The following RNF24 variants were observed in gnomAD, a reference collection of about 807,000 sequenced individuals.
The protein encoded by RNF24 is ring finger protein 24.
Under a neutral mutation model 20.0 loss-of-function variants are expected in RNF24, and 14 were observed. The ratio of observed to expected loss-of-function variants is 0.70; its 90% CI spans 0.46 to 1.10. The LOEUF (loss-of-function observed/expected upper bound fraction) is 1.10, where lower values mean the gene tolerates loss of function less well. Among genes scored for constraint, RNF24 ranks in the 50% least tolerant of loss-of-function variants. The pLI is 0.00. For missense variants in RNF24, 124 were observed against 177.6 expected (o/e 0.70, Z 1.71); for synonymous variants, 45 against 61.1 (o/e 0.74, Z 1.23).
At chr20:3,981,171 AT>A (rs969311265) in intron 1 of RNF24, among the ~76,000 whole-genome samples, 2 of 152,212 alleles carry the variant, frequency 1.3e-5, no homozygotes, top group African/African-American at 2.4e-5. Flanking sequence ...ATCAAAAAAA[AT>A]AAAAGAAAAG....
chr20:3,954,962 T>C (rs938165422), intron 2 of RNF24, among the ~76,000 whole-genome samples: 1 of 152,122 alleles, frequency 6.6e-6, no homozygotes, highest in Non-Finnish European at 1.5e-5. Context: ...AGCTGCATCA[T>C]TTTGCATTTC....
At position 4,015,500 on chromosome 20, in the gene RNF24, C is replaced by A; in HGVS notation, c.-71G>T. On this transcript the variant is annotated 5_prime_UTR_variant, in exon 1 of 6. Transcript: ENST00000358395. The stretch of plus-strand genomic sequence containing the variant: ...TCAGCGCCCTGCGGCGGGCGGCAGG[C>A]TGCGGGCGGCGAGCGTCCGTCCGGA... 6.6e-6 allele frequency: 1 copy of A among 151,058 alleles called. No homozygotes were observed. Among genetic ancestry groups the A allele is most frequent in the South Asian group, 2.0e-4 (1 of 5,066 alleles). The allele number at this position is 151,058 out of a possible 1,614,324, so 9.4% of individuals were successfully genotyped here. A position where few individuals can be genotyped will look rare whatever the true frequency, so the allele number is the denominator to read the frequency against.
intron 3 of RNF24, among the ~76,000 whole-genome samples, chr20:3,946,112 C>G (rs6116111): frequency 0.012 from 1,772 of 152,252 alleles, 25 homozygotes; most frequent in African/African-American, 0.04. Flanking sequence ...ACTTAAATGA[C>G]TGCAAAGGCC....
At chr20:3,977,653 C>T (rs1978984710) in intron 1 of RNF24, among the ~76,000 whole-genome samples, 1 of 151,968 alleles carries the variant, frequency 6.6e-6, no homozygotes, top group Non-Finnish European at 1.5e-5. Flanking sequence ...ATCACGAGGT[C>T]AGGAGATCGA....
In RNF24 at chr20:3,955,192, T is replaced by A. The variant is rs539897174; in HGVS notation, c.144-6913A>T. ...ATTGTTTAAGTCTTTTGCCCATTTT[T>A]AAATTGGGTTGTCTTTTTGCTGTTA... On this transcript the variant is annotated intron_variant, in intron 2 of 5. Coordinates refer to ENST00000358395, the MANE Select transcript of RNF24 (RefSeq NM_001134337.3). 9.8e-5 allele frequency among the ~76,000 whole-genome samples: 15 copies of A among 152,356 alleles called. No homozygotes were observed. The South Asian group carries it at 3.1e-3, about 32-fold the overall frequency.
intron 2 of RNF24, among the ~76,000 whole-genome samples, chr20:3,951,959 A>G (rs1397551998): frequency 6.6e-6 from 1 of 152,188 alleles, no homozygotes; most frequent in Admixed American, 6.6e-5. Flanking sequence ...AGGAACCCTA[A>G]TTCCTTTTAT....
chr20:3,972,377 C>T (rs147916601), intron 1 of RNF24, among the ~76,000 whole-genome samples: 1 of 152,256 alleles, frequency 6.6e-6, no homozygotes, highest in African/African-American at 2.4e-5. Flanking sequence ...GCACCTACAC[C>T]AGGACAGACC....
chr20:3,956,020 T>A (rs1007378357), intron 2 of RNF24, among the ~76,000 whole-genome samples: 4 of 152,216 alleles, frequency 2.6e-5, no homozygotes, highest in Non-Finnish European at 5.9e-5. Context: ...CCAGTAGTTT[T>A]TTTTGTGTGT....
chr20:3,962,863 G>A (rs1301993769), intron 2 of RNF24, among the ~76,000 whole-genome samples: 3 of 151,642 alleles, frequency 2.0e-5, no homozygotes, highest in Admixed American at 6.6e-5. Context: ...ACCACACCTC[G>A]CTAATTTTTG....
intron 1 of RNF24, among the ~76,000 whole-genome samples, chr20:3,996,139 G>T (rs949346160): frequency 6.6e-6 from 1 of 152,140 alleles, no homozygotes; most frequent in African/African-American, 2.4e-5. Context: ...GTCACAGTAC[G>T]TCAAGAGTTG....
rs142865914 is a variant in RNF24 at position 3,961,336 on chromosome 20, G to A, written c.143+2539C>T. Among the ~76,000 whole-genome samples, 509 of 151,890 alleles carry A rather than the reference G, an allele frequency of 3.4e-3. 3 individuals carry two copies. The highest frequency in any genetic ancestry group is 0.012 in the African/African-American group (491 of 41,424). Reference sequence around the variant, plus strand: ...AGGATCACTTGTGCTAGGAGGTTGAGGCTTTGGTGAGCCTCATGTCACTGC... The same window carrying A: ...AGGATCACTTGTGCTAGGAGGTTGAAGCTTTGGTGAGCCTCATGTCACTGC... On this transcript the variant is annotated intron_variant, in intron 2 of 5. Transcript: ENST00000358395.
rs1186561335 is a variant in RNF24 at position 3,983,284 on chromosome 20, G to GTATAGCTTAT, written c.-7-19270_-7-19261dup. On this transcript the variant is annotated intron_variant, in intron 1 of 5. Coordinates refer to ENST00000358395, the MANE Select transcript of RNF24 (RefSeq NM_001134337.3). ...TTATTTTACTACTTTCAGTAGATTT[G>GTATAGCTTAT]TATAGCTTATTCATACAGGTTTTGG... 2.0e-5 allele frequency among the ~76,000 whole-genome samples: 3 copies of GTATAGCTTAT among 152,202 alleles called. No homozygotes were observed. In the East Asian group the frequency reaches 5.8e-4, roughly 29 times the overall value.
At chr20:3,983,706 C>T (rs773458713) in intron 1 of RNF24, among the ~76,000 whole-genome samples, 15 of 151,782 alleles carry the variant, frequency 9.9e-5, no homozygotes, top group African/African-American at 1.9e-4. Context: ...TTTGGGAGGC[C>T]GAGGCGGGCA....
chr20:3,976,419 T>C (rs914945618), intron 1 of RNF24, among the ~76,000 whole-genome samples: 2 of 152,176 alleles, frequency 1.3e-5, no homozygotes, highest in African/African-American at 4.8e-5. Flanking sequence ...CACTTTATCT[T>C]GTTGGTGGGA....
At chr20:3,971,011 A>G (rs1381555576) in intron 1 of RNF24, among the ~76,000 whole-genome samples, 2 of 152,172 alleles carry the variant, frequency 1.3e-5, no homozygotes, top group African/African-American at 4.8e-5. Flanking sequence ...AATAAACCCA[A>G]AGAAATCTAC....
intron 1 of RNF24, chr20:3,974,280 CA>C: frequency 6.5e-7 from 1 of 1,531,966 alleles, no homozygotes. Context: ...ACAATAACAA[CA>C]AAAACTGTAC....
chr20:3,945,078 A>T, intron 4 of RNF24, 99 bp downstream of exon 4: 1 of 1,475,560 alleles, frequency 6.8e-7, no homozygotes, highest in Non-Finnish European at 9.2e-7. Flanking sequence ...AAATAAGCCT[A>T]TTTTTTTCAA....
At chr20:4,013,331 T>C (rs1422005895) in intron 1 of RNF24, among the ~76,000 whole-genome samples, 2 of 152,218 alleles carry the variant, frequency 1.3e-5, no homozygotes, top group African/African-American at 4.8e-5. Flanking sequence ...CATTTTCCAC[T>C]GAAAACTACT....
At chr20:3,969,539 T>C (rs1264971283) in intron 1 of RNF24, among the ~76,000 whole-genome samples, 1 of 149,878 alleles carries the variant, frequency 6.7e-6, no homozygotes, top group Non-Finnish European at 1.5e-5. Flanking sequence ...GAACGTGTTC[T>C]CTCTAGCCAA....
Sources: gnomAD v4.1 joint callset for allele counts (sites outside exome capture counted in the v4.1 genomes callset) on GRCh38, gnomAD v4.1.1 for gene constraint, MANE v1.5 for transcripts, NCBI Gene and HGNC (gene_info 2026-07-23, HGNC 2026-07-21) for gene names.